Variants in RBFOX1 observed in about 807,000 individuals in gnomAD.
RBFOX1 encodes RNA binding protein fox-1 homolog 1.
RBFOX1 carries 8 observed loss-of-function variants against 57.7 expected under a neutral mutation model. That is an observed-to-expected ratio of 0.14 (90% CI 0.08 to 0.25). The LOEUF is 0.25. RBFOX1 is among the 10% of genes least tolerant of loss of function. The probability of loss-of-function intolerance (pLI) is 1.00; values close to 1 mark genes in which losing one functional copy is unlikely to be tolerated. For missense variants in RBFOX1, 611 were observed against 548.5 expected, an observed-to-expected ratio of 1.11 and a Z score of -1.14; for synonymous variants, 326 against 222.4, an observed-to-expected ratio of 1.47 and a Z score of -4.15.
intron 4 of RBFOX1, among the ~76,000 whole-genome samples, chr16:7,345,130 C>T (rs2096970807): frequency 1.3e-5 from 2 of 152,204 alleles, no homozygotes; most frequent in Admixed American, 6.5e-5. Flanking sequence ...TGGAAATACA[C>T]TTTCTGTTTT....
chr16:7,573,564 T>A (rs1228624994), intron 5 of RBFOX1, among the ~76,000 whole-genome samples: 1 of 152,218 alleles, frequency 6.6e-6, no homozygotes, highest in East Asian at 1.9e-4. Context: ...CCAGGCACAG[T>A]GGCTCAAGCC....
intron 3 of RBFOX1, among the ~76,000 whole-genome samples, chr16:6,778,753 T>C (rs1567203650): frequency 6.6e-6 from 1 of 152,104 alleles, no homozygotes; most frequent in Non-Finnish European, 1.5e-5. Context: ...AAAATATGAT[T>C]GTGAATTTTC....
intron 2 of RBFOX1, among the ~76,000 whole-genome samples, chr16:6,445,334 T>C (rs2153034533): frequency 6.6e-6 from 1 of 152,254 alleles, no homozygotes; most frequent in Non-Finnish European, 1.5e-5. Flanking sequence ...GATTTTCTTT[T>C]AGAGACTTTT....
chr16:7,099,974 C>G (rs967869014), intron 4 of RBFOX1, among the ~76,000 whole-genome samples: 1 of 151,914 alleles, frequency 6.6e-6, no homozygotes, highest in Non-Finnish European at 1.5e-5. Context: ...ATGTTCACCC[C>G]TCAGTTCTCA....
At chr16:5,636,033 A>G (rs1372255038) in intron 3 of RBFOX1, among the ~76,000 whole-genome samples, 2 of 151,560 alleles carry the variant, frequency 1.3e-5, no homozygotes, top group African/African-American at 2.4e-5. Flanking sequence ...ACATAGTGGG[A>G]CCCTTTCTCC....
chr16:6,894,102 A>AC (rs1255176476), intron 3 of RBFOX1, among the ~76,000 whole-genome samples: 1 of 152,210 alleles, frequency 6.6e-6, no homozygotes, highest in African/African-American at 2.4e-5. Flanking sequence ...AGATAGACGA[A>AC]CAGATACAAA....
intron 14 of RBFOX1, among the ~76,000 whole-genome samples, chr16:7,704,501 A>G (rs185393180): frequency 1.8e-3 from 273 of 152,286 alleles, no homozygotes; most frequent in Non-Finnish European, 3.3e-3. Context: ...GAATGGGATC[A>G]TAATTACAGG....
intron 2 of RBFOX1, among the ~76,000 whole-genome samples, chr16:6,360,660 C>G (rs143375566): frequency 6.6e-6 from 1 of 152,144 alleles, no homozygotes; most frequent in African/African-American, 2.4e-5. Flanking sequence ...TATATCATGC[C>G]GTTTCAGAAT....
At chr16:6,942,334 A>T (rs576825993) in intron 3 of RBFOX1, among the ~76,000 whole-genome samples, 2 of 152,144 alleles carry the variant, frequency 1.3e-5, no homozygotes, top group African/African-American at 4.8e-5. Context: ...CGCTCAGCTA[A>T]TTTTTTGATT....
chr16:7,530,990 G>A (rs1269391611), intron 5 of RBFOX1, among the ~76,000 whole-genome samples: 1 of 152,182 alleles, frequency 6.6e-6, no homozygotes, highest in African/African-American at 2.4e-5. Context: ...CCTTAGGACA[G>A]AAGTTCCACG....
At chr16:6,605,898 G>A (rs1023105170) in intron 2 of RBFOX1, among the ~76,000 whole-genome samples, 7 of 152,036 alleles carry the variant, frequency 4.6e-5, no homozygotes, top group African/African-American at 9.7e-5. Context: ...GCAGGAGTTC[G>A]AGACCAGCCT....
chr16:6,575,067 A>G (rs918216496), intron 2 of RBFOX1, among the ~76,000 whole-genome samples: 1 of 149,926 alleles, frequency 6.7e-6, no homozygotes, highest in African/African-American at 2.5e-5. Flanking sequence ...AAAAAACAGC[A>G]TCCAGGAATG....
intron 1 of RBFOX1, among the ~76,000 whole-genome samples, chr16:5,347,215 T>C (rs2065159213): frequency 6.6e-6 from 1 of 152,208 alleles, no homozygotes; most frequent in Non-Finnish European, 1.5e-5. Context: ...TTATTTATTA[T>C]TGCATGTCTC....
chr16:6,234,214 C>G (rs1442227948), intron 1 of RBFOX1, among the ~76,000 whole-genome samples: 2 of 152,182 alleles, frequency 1.3e-5, no homozygotes, highest in Non-Finnish European at 2.9e-5. Flanking sequence ...ACTTGTTTAA[C>G]TTGCTTAATT....
intron 1 of RBFOX1, among the ~76,000 whole-genome samples, chr16:6,024,507 G>T (rs1256438945): frequency 1.3e-5 from 2 of 150,988 alleles, no homozygotes; most frequent in South Asian, 4.2e-4. Context: ...TCTTTTTTTT[G>T]AAACAGAGCC....
chr16:7,286,874 C>G lies in RBFOX1; in HGVS notation c.28-231273C>G, dbSNP rs555029244. ...AAACTCCTGACCTCAGATGATCCAC[C>G]CGCCTCAGCCTCCCAGAGTGCTGGG... On this transcript the variant is annotated intron_variant, in intron 4 of 15. Coordinates refer to ENST00000550418, the MANE Select transcript of RBFOX1 (RefSeq NM_018723.4). Among the ~76,000 whole-genome samples, 55 of 152,194 alleles carry G rather than the reference C, an allele frequency of 3.6e-4. No homozygotes were observed. The Middle Eastern group carries it at 0.01, about 28-fold the overall frequency.
At chr16:6,500,149 C>G (rs1013124928) in intron 2 of RBFOX1, among the ~76,000 whole-genome samples, 4 of 152,116 alleles carry the variant, frequency 2.6e-5, no homozygotes, top group Non-Finnish European at 5.9e-5. Flanking sequence ...TTTCTAGAAA[C>G]CTTTGAGTCA....
At chr16:6,234,056 CA>C (rs1383312742) in intron 1 of RBFOX1, among the ~76,000 whole-genome samples, 14 of 152,236 alleles carry the variant, frequency 9.2e-5, no homozygotes, top group Admixed American at 3.3e-4. Flanking sequence ...GGCAGATGGG[CA>C]GGCTGGCCAA....
intron 4 of RBFOX1, among the ~76,000 whole-genome samples, chr16:7,427,737 T>A (rs1345898921): frequency 6.6e-6 from 1 of 152,062 alleles, no homozygotes; most frequent in Non-Finnish European, 1.5e-5. Context: ...CACTGCAAAC[T>A]CCACCTCCCG....
Sources: gnomAD v4.1 joint callset for allele counts (sites outside exome capture counted in the v4.1 genomes callset) on GRCh38, gnomAD v4.1.1 for gene constraint, MANE v1.5 for transcripts, NCBI Gene and HGNC (gene_info 2026-07-23, HGNC 2026-07-21) for gene names.